The following SNX19 variants were observed in gnomAD, a reference collection of about 807,000 sequenced individuals.
The protein encoded by SNX19 is sorting nexin 19, also known as sorting nexin-19.
Under a neutral mutation model 85.2 loss-of-function variants are expected in SNX19, and 60 were observed. The ratio of observed to expected loss-of-function variants is 0.70; its 90% confidence interval spans 0.57 to 0.87. The LOEUF (loss-of-function observed/expected upper bound fraction) is 0.87, where lower values mean the gene tolerates loss of function less well. Among genes scored for constraint, SNX19 ranks in the 40% least tolerant of loss-of-function variants. The pLI is 0.00. For synonymous variants in SNX19, 520 were observed against 470.0 expected (o/e 1.11, Z -1.38); for missense variants, 1,201 against 1,217.8 (o/e 0.99, Z 0.21).
rs890373866 is a variant in SNX19 at position 130,874,170 on chromosome 11, G to A, written c.*4252C>T. Among the ~76,000 whole-genome samples the A allele has an allele frequency of 6.6e-6, 1 of 152,090 alleles. No homozygotes were observed. Among genetic ancestry groups the A allele is most frequent in the Non-Finnish European group, 1.5e-5 (1 of 68,008 alleles). On this transcript the variant is annotated 3_prime_UTR_variant, in exon 11 of 11. Transcript: ENST00000265909. ...CCCTAGTAGGTGGAACCACAGGCGA[G>A]AGCCACCATGCCCCGCTCATTTTTT...
At position 130,914,907 on chromosome 11, in the gene SNX19, C is replaced by T. The variant is rs534734369; in HGVS notation, c.1033G>A (p.Glu345Lys). 5.6e-6 allele frequency: 9 copies of T among 1,614,202 alleles called. No individual in the cohort carries two copies. The South Asian group carries it at 8.8e-5, about 16-fold the overall frequency. Residue 345 changes from glutamate (E) to lysine (K), a missense_variant, in exon 1 of 11, where the codon GAA (glutamate) becomes AAA (lysine). This residue lies in a region of SNX19 where 791 missense variants were observed against 750.9 expected (regional missense o/e 1.05). Transcript: ENST00000265909. ...AVEGDLGGMCEERKVGNNSSH... is the reference protein window; with the variant it reads ...AVEGDLGGMCKERKVGNNSSH... ...GAGTTGTTTCCTACTTTTCTTTCTT[C>T]ACACATCCCACCCAAATCTCCCTCT...
intron 8 of SNX19, among the ~76,000 whole-genome samples, chr11:130,897,070 G>GT (rs1944925557): frequency 1.3e-5 from 2 of 152,108 alleles, no homozygotes; most frequent in African/African-American, 4.8e-5. Flanking sequence ...AGTGCTCCCA[G>GT]ACTCTGCCGC....
chr11:130,903,290 C>G lies in SNX19; in HGVS notation c.2538G>C (p.Lys846Asn). The G allele has an allele frequency of 6.2e-7, 1 of 1,613,932 alleles. No homozygotes were observed. The highest frequency in any genetic ancestry group is 1.3e-5 in the African/African-American group (1 of 75,010). Residue 846 changes from lysine to asparagine, a missense_variant, in exon 8 of 11, where the codon AAG becomes AAC. Transcript: ENST00000265909. ...GGGTCCCAAAGATAAGACGAAGAAACTTTTGCATGTTTTCGGTACATAGCC... is the reference window on the plus strand; with the variant it reads ...GGGTCCCAAAGATAAGACGAAGAAAGTTTTGCATGTTTTCGGTACATAGCC... The part of the protein sequence containing the change: ...WKWLCTENMQ[K>N]FLRLIFGTLV...
At chr11:130,893,826 T>G in intron 8 of SNX19, 1 of 702,314 alleles carries the variant, frequency 1.4e-6, no homozygotes, top group African/African-American at 1.7e-5. Flanking sequence ...CCGAGAAATC[T>G]TTCGGGGCCA....
At chr11:130,903,150 T>C in intron 8 of SNX19, 105 bp downstream of exon 8, 11 of 1,499,882 alleles carry the variant, frequency 7.3e-6, no homozygotes, top group Non-Finnish European at 9.1e-6. Context: ...TAACAGAGAA[T>C]CTATCTTCTC....
In SNX19 at chr11:130,878,187, C is replaced by T. The variant is rs1051806557; in HGVS notation, c.*235G>A. 1.4e-4 allele frequency: 51 copies of T among 371,212 alleles called. No homozygotes were observed. Among genetic ancestry groups the T allele is most frequent in the African/African-American group, 9.3e-4 (46 of 49,578 alleles). 23.0% of individuals were successfully genotyped at this position (371,212 alleles called of 1,614,324 possible). A position where few individuals can be genotyped will look rare whatever the true frequency, so the allele number is the denominator to read the frequency against. On this transcript the variant is annotated 3_prime_UTR_variant, in exon 11 of 11. Coordinates refer to ENST00000265909, the MANE Select transcript of SNX19 (RefSeq NM_014758.3). ...TCCCAAAGGAAACAGGATCTACTCA[C>T]CAGCAACAATCCCAACATCACAAAA...
chr11:130,897,483 C>T (rs796734769), intron 8 of SNX19, among the ~76,000 whole-genome samples: 8 of 152,286 alleles, frequency 5.3e-5, no homozygotes, highest in Non-Finnish European at 8.8e-5. Flanking sequence ...CTGATGCCAT[C>T]GTTGGGGCCA....
chr11:130,888,888 T>G (rs1290278487), intron 8 of SNX19, among the ~76,000 whole-genome samples: 2 of 152,190 alleles, frequency 1.3e-5, no homozygotes, highest in Admixed American at 1.3e-4. Flanking sequence ...TGGTCGCCAA[T>G]TCTACTTTAA....
At chr11:130,893,434 TAAAC>T (rs1024886803) in intron 8 of SNX19, among the ~76,000 whole-genome samples, 1 of 151,910 alleles carries the variant, frequency 6.6e-6, no homozygotes, top group Non-Finnish European at 1.5e-5. Context: ...ATGCCCAAGA[TAAAC>T]AAAGAGAAAA....
rs982187266 is a variant in SNX19, at chr11:130,876,427, T to G, written c.*1995A>C. On this transcript the variant is annotated 3_prime_UTR_variant, in exon 11 of 11. Coordinates refer to ENST00000265909, the MANE Select transcript of SNX19 (RefSeq NM_014758.3). ...GTACGTGGAGTAGAGGTGGGGACTCTTATATAATACGAAATAAAAATAAGT... is the reference window on the plus strand; with the variant it reads ...GTACGTGGAGTAGAGGTGGGGACTCGTATATAATACGAAATAAAAATAAGT... The G allele has an allele frequency of 6.6e-6, 1 of 152,656 alleles. No individual in the cohort carries two copies. Among genetic ancestry groups the G allele is most frequent in the Non-Finnish European group, 1.5e-5 (1 of 68,024 alleles). 9.5% of individuals were successfully genotyped at this position (152,656 alleles called of 1,614,324 possible).
At chr11:130,911,937 C>T (rs1946162429) in intron 1 of SNX19, among the ~76,000 whole-genome samples, 166 bp from the exon 2 acceptor site, 1 of 152,158 alleles carries the variant, frequency 6.6e-6, no homozygotes, top group African/African-American at 2.4e-5. Context: ...TATCTAATTG[C>T]TTAGAAAGTC....
chr11:130,902,741 C>G (rs373389782), intron 8 of SNX19, among the ~76,000 whole-genome samples: 1 of 152,232 alleles, frequency 6.6e-6, no homozygotes, highest in East Asian at 1.9e-4. Flanking sequence ...AGCCAACTTG[C>G]AAATCCAAAT....
rs763001221 is a variant in SNX19, at chr11:130,879,653, C to T, written c.2817G>A (p.Leu939=). 1.2e-6 allele frequency: 2 copies of T among 1,613,792 alleles called. No homozygotes were observed. The highest frequency in any genetic ancestry group is 1.7e-5 in the Admixed American group (1 of 59,974). Residue 939 remains leucine (L), a synonymous_variant, in exon 10 of 11, where the codon CTG becomes CTA. Transcript: ENST00000265909. ...NKCRLSWGLV[L]ESLQQPLINR... ...TGATGAGGGGTTGTTGTAGTGACTC[C>T]AGGACTAGACCCCAGCTCAGCCGGC...
Position 130,908,027 on chromosome 11 carries a change from G to A in SNX19, c.2091C>T (p.Pro697=), listed in dbSNP as rs935528891. 6.2e-7 allele frequency: 1 copy of A among 1,614,126 alleles called. No homozygotes were observed. Among genetic ancestry groups the A allele is most frequent in the Non-Finnish European group, 8.5e-7 (1 of 1,180,022 alleles). The change falls in exon 5 of 11, where the codon CCC becomes CCT. Residue 697 remains proline, a synonymous_variant. Coordinates refer to ENST00000265909, the MANE Select transcript of SNX19 (RefSeq NM_014758.3). ...CACTCAGCTCCTCTGTGGGGCTCTG[G>A]GGTTCAGAGCGAGGAAACGCTGTCT... ...TLKTAFPRSE[P]QSPTEELSEA...
At chr11:130,878,842 A>G (rs960848574) in intron 10 of SNX19, among the ~76,000 whole-genome samples, 2 of 152,210 alleles carry the variant, frequency 1.3e-5, no homozygotes, top group Admixed American at 6.5e-5. Flanking sequence ...GTGATAACAA[A>G]TCCTTGAGAT....
chr11:130,908,344 G>C (rs1945835108), intron 4 of SNX19: 1 of 277,734 alleles, frequency 3.6e-6, no homozygotes, highest in Non-Finnish European at 6.7e-6. Flanking sequence ...AAAACCAATA[G>C]TGAGAGAAAT....
At chr11:130,907,678 T>G (rs931347076) in intron 5 of SNX19, among the ~76,000 whole-genome samples, 2 of 152,148 alleles carry the variant, frequency 1.3e-5, no homozygotes, top group African/African-American at 4.8e-5. Context: ...AATATCCTAG[T>G]CAAAAGAGAA....
intron 10 of SNX19, among the ~76,000 whole-genome samples, chr11:130,879,289 G>A (rs1943479350): frequency 6.6e-6 from 1 of 152,194 alleles, no homozygotes; most frequent in Admixed American, 6.5e-5. Flanking sequence ...ATGTTGGAAA[G>A]AGCACTGAGC....
chr11:130,883,471 T>C (rs1943833622), intron 8 of SNX19, among the ~76,000 whole-genome samples: 1 of 152,124 alleles, frequency 6.6e-6, no homozygotes, highest in African/African-American at 2.4e-5. Flanking sequence ...CTGGCAGAAA[T>C]AAACTCCCTC....
Sources: allele counts gnomAD v4.1 joint callset (sites outside exome capture counted in the v4.1 genomes callset), GRCh38; gene constraint gnomAD v4.1.1; regional missense constraint gnomAD v4.1.1; transcripts MANE v1.5; gene names NCBI Gene and HGNC (gene_info 2026-07-23, HGNC 2026-07-21).